The following DPH6 variants were observed in gnomAD, a reference collection of about 807,000 sequenced individuals.
DPH6 encodes diphthine--ammonia ligase.
DPH6 carries 33 observed loss-of-function variants against 38.2 expected under a neutral mutation model. The ratio of observed to expected loss-of-function variants is 0.86; its 90% CI spans 0.65 to 1.15. The LOEUF is 1.15. Ranked by LOEUF, DPH6 falls within the 50% of genes most tolerant of loss-of-function variation. DPH6 has a pLI of 0.00. For missense variants in DPH6, 325 were observed against 320.0 expected (o/e 1.02, Z -0.12); for synonymous variants, 108 against 103.0 (o/e 1.05, Z -0.30).
In DPH6 at chr15:35,401,637, G is replaced by C. The variant is rs979252686; in HGVS notation, c.567+9198C>G. The C allele has an allele frequency of 4.0e-6, 3 of 755,034 alleles. No homozygotes were observed. The African/African-American group carries it at 5.1e-5, about 13-fold the overall frequency. 46.8% of individuals were successfully genotyped at this position (755,034 alleles called of 1,614,324 possible). On this transcript the variant is annotated intron_variant, in intron 6 of 8. Coordinates refer to ENST00000256538, the MANE Select transcript of DPH6 (RefSeq NM_080650.4). ...ATCTTCGAATTTTGGAACCATGAAG[G>C]TAGGAAACTTTGGAGGCAGAAACTC...
the DPH6 span, among the ~76,000 whole-genome samples, chr15:35,190,095 CA>C: frequency 2.0e-5 from 3 of 151,950 alleles, no homozygotes; most frequent in African/African-American, 7.2e-5. Flanking sequence ...ATATGGAAGG[CA>C]ATTGTGTTTC....
At chr15:35,456,228 CAT>C (rs1461733970) in intron 3 of DPH6, among the ~76,000 whole-genome samples, 2 of 151,990 alleles carry the variant, frequency 1.3e-5, no homozygotes, top group Admixed American at 6.6e-5. Context: ...AAAGTCATGA[CAT>C]AGAGTTCCTT....
intron 3 of DPH6, chr15:35,238,007 G>T (rs1406664650): frequency 6.6e-7 from 1 of 1,524,308 alleles, no homozygotes; most frequent in East Asian, 2.3e-5. Context: ...CCGTGAAGAA[G>T]AAAGGGGTCA....
chr15:35,505,974 C>A (rs924620653), intron 3 of DPH6, among the ~76,000 whole-genome samples: 1 of 152,066 alleles, frequency 6.6e-6, no homozygotes, highest in Non-Finnish European at 1.5e-5. Flanking sequence ...AAGAGAACAG[C>A]TGACATCTGA....
intron 5 of DPH6, among the ~76,000 whole-genome samples, chr15:35,412,265 A>C (rs1232656731): frequency 6.6e-6 from 1 of 151,808 alleles, no homozygotes; most frequent in Non-Finnish European, 1.5e-5. Context: ...ATGTCACCAG[A>C]GAAATGCAAA....
intron 3 of DPH6, among the ~76,000 whole-genome samples, chr15:35,308,636 G>A (rs1360938342): frequency 6.6e-6 from 1 of 152,084 alleles, no homozygotes; most frequent in Non-Finnish European, 1.5e-5. Flanking sequence ...ACCCAGAGAA[G>A]ATTCTTTCTT....
intron 3 of DPH6, among the ~76,000 whole-genome samples, chr15:35,487,672 C>T (rs1265778992): frequency 6.6e-6 from 1 of 152,244 alleles, no homozygotes; most frequent in Non-Finnish European, 1.5e-5. Context: ...CTGTGAAGAT[C>T]TCTGACATGC....
At chr15:35,467,346 CTTG>C (rs2054139725) in intron 3 of DPH6, among the ~76,000 whole-genome samples, 2 of 152,138 alleles carry the variant, frequency 1.3e-5, no homozygotes, top group South Asian at 2.1e-4. Flanking sequence ...AGGCAGATCA[CTTG>C]AGGTCAGGAG....
intron 3 of DPH6, among the ~76,000 whole-genome samples, chr15:35,458,542 G>A (rs543664554): frequency 6.6e-5 from 10 of 152,182 alleles, no homozygotes; most frequent in Non-Finnish European, 7.4e-5. Context: ...AGCTAGGTTC[G>A]GGTCCTGATC....
chr15:35,381,097 G>A (rs2052858681), intron 7 of DPH6, among the ~76,000 whole-genome samples: 1 of 152,104 alleles, frequency 6.6e-6, no homozygotes, highest in Non-Finnish European at 1.5e-5. Flanking sequence ...AAGAGGTTAA[G>A]TCTTAGTGTT....
intron 3 of DPH6, among the ~76,000 whole-genome samples, chr15:35,285,055 CCACTTT>C (rs1324851896): frequency 6.6e-6 from 1 of 151,936 alleles, no homozygotes; most frequent in East Asian, 1.9e-4. Context: ...AGTGATCCTC[CCACTTT>C]CATCCCTCAA....
At chr15:35,471,641 T>C (rs897675127) in intron 3 of DPH6, among the ~76,000 whole-genome samples, 5 of 152,180 alleles carry the variant, frequency 3.3e-5, no homozygotes, top group African/African-American at 1.2e-4. Context: ...CCTTTGTTCT[T>C]ACTCTTCTCT....
intron 1 of DPH6, among the ~76,000 whole-genome samples, chr15:35,545,386 A>G (rs1420643449): frequency 6.6e-6 from 1 of 152,240 alleles, no homozygotes; most frequent in Non-Finnish European, 1.5e-5. Context: ...TACAGACATC[A>G]AACTCCTTTT....
At chr15:35,214,763 C>T (rs1422561176), downstream of DPH6, among the ~76,000 whole-genome samples, 2 of 152,180 alleles carry the variant, frequency 1.3e-5, no homozygotes, top group African/African-American at 4.8e-5. Context: ...ATCACCACCA[C>T]ATCCGGCTAA....
At chr15:35,460,900 T>C (rs1450171252) in intron 3 of DPH6, among the ~76,000 whole-genome samples, 1 of 57,072 alleles carries the variant, frequency 1.8e-5, no homozygotes, top group African/African-American at 4.6e-5. Context: ...ACTCACAAAC[T>C]GGTAAAAAAA....
intron 3 of DPH6, among the ~76,000 whole-genome samples, chr15:35,333,607 G>A (rs987214123): frequency 2.0e-5 from 3 of 152,024 alleles, no homozygotes; most frequent in Non-Finnish European, 4.4e-5. Flanking sequence ...AGCACTGAGC[G>A]TACCTGTAAG....
intron 3 of DPH6, among the ~76,000 whole-genome samples, chr15:35,469,879 G>A (rs2054175952): frequency 6.6e-6 from 1 of 152,012 alleles, no homozygotes; most frequent in South Asian, 2.1e-4. Context: ...TTTACAAAGT[G>A]GGCAGGGAAA....
chr15:35,479,089 A>G (rs1192436726), intron 3 of DPH6, among the ~76,000 whole-genome samples: 5 of 152,190 alleles, frequency 3.3e-5, no homozygotes, highest in Non-Finnish European at 4.4e-5. Context: ...ATTTCAAATT[A>G]ACACTCCATC....
chr15:35,521,777 T>C, intron 3 of DPH6: 1 of 1,235,424 alleles, frequency 8.1e-7, no homozygotes, highest in African/African-American at 1.5e-5. Context: ...GCAACATTGT[T>C]GATTCATATA....
Sources: gnomAD v4.1 joint callset for allele counts (sites outside exome capture counted in the v4.1 genomes callset) on GRCh38, gnomAD v4.1.1 for gene constraint, MANE v1.5 for transcripts, NCBI Gene and HGNC (gene_info 2026-07-23, HGNC 2026-07-21) for gene names.